The following SPAG16 variants were observed in gnomAD, a reference collection of about 807,000 sequenced individuals.
SPAG16 encodes the protein sperm associated antigen 16.
SPAG16 carries 86 observed loss-of-function variants against 80.4 expected under a neutral mutation model. That is an observed-to-expected ratio of 1.07 (90% confidence interval 0.90 to 1.28). The LOEUF (loss-of-function observed/expected upper bound fraction) is 1.28, where lower values mean the gene tolerates loss of function less well. Ranked by LOEUF, SPAG16 falls within the 50% of genes most tolerant of loss-of-function variation. The pLI, the probability that SPAG16 is intolerant of heterozygous loss-of-function variation, is 0.00. For synonymous variants in SPAG16, 294 were observed against 265.9 expected, an observed-to-expected ratio of 1.11 and a Z score of -1.03; for missense variants, 870 against 765.3, an observed-to-expected ratio of 1.14 and a Z score of -1.61.
chr2:213,643,006 G>A (rs1368249293), intron 10 of SPAG16, among the ~76,000 whole-genome samples: 1 of 150,274 alleles, frequency 6.7e-6, no homozygotes, highest in Admixed American at 6.7e-5. Context: ...TTGTGATCAT[G>A]TGAGTTAATA....
intron 11 of SPAG16, among the ~76,000 whole-genome samples, chr2:213,922,222 T>C (rs886207128): frequency 6.0e-5 from 9 of 150,098 alleles, no homozygotes; most frequent in Admixed American, 6.7e-5. Flanking sequence ...GCTCCTTCCT[T>C]TTAAATTCTT....
At chr2:214,246,196 T>C (rs895858267) in intron 15 of SPAG16, among the ~76,000 whole-genome samples, 1 of 152,144 alleles carries the variant, frequency 6.6e-6, no homozygotes, top group Non-Finnish European at 1.5e-5. Context: ...AGAGGGACTT[T>C]AGACAAATCC....
intron 10 of SPAG16, among the ~76,000 whole-genome samples, chr2:213,585,556 G>A (rs1352720664): frequency 1.3e-5 from 2 of 152,110 alleles, no homozygotes; most frequent in African/African-American, 4.8e-5. Context: ...GGATTATGAT[G>A]TAAGTAACCA....
intron 10 of SPAG16, among the ~76,000 whole-genome samples, chr2:213,787,083 A>T (rs2070387296): frequency 6.6e-6 from 1 of 152,130 alleles, no homozygotes; most frequent in Non-Finnish European, 1.5e-5. Flanking sequence ...ACTAGTAGTT[A>T]AATAGCGTTA....
chr2:213,869,291 A>ATATATATATG (rs1449042675), intron 11 of SPAG16, among the ~76,000 whole-genome samples: 6 of 123,248 alleles, frequency 4.9e-5, no homozygotes, highest in Non-Finnish European at 6.9e-5. Flanking sequence ...GTATATATAT[A>ATATATATATG]TGTATATATA....
chr2:213,861,172 C>G (rs760148622), intron 10 of SPAG16, among the ~76,000 whole-genome samples: 1 of 152,106 alleles, frequency 6.6e-6, no homozygotes, highest in Non-Finnish European at 1.5e-5. Flanking sequence ...AAGGCCATGC[C>G]CATAGTGGTT....
At position 214,029,567 on chromosome 2, in the gene SPAG16, A is replaced by G. The variant is rs185757534; in HGVS notation, c.1527+15490A>G. On this transcript the variant is annotated intron_variant, in intron 13 of 15. Transcript: ENST00000331683. ...GCAAAAGATGACAATGGATGGGACC[A>G]GAATGATAGCAAAGAGGAAGATGTG... Among the ~76,000 whole-genome samples the G allele has an allele frequency of 5.3e-5, 8 of 152,156 alleles. No individual in the cohort carries two copies. The East Asian group carries it at 1.5e-3, about 29-fold the overall frequency.
At chr2:213,842,396 A>ATATGTTTT (rs2074405175) in intron 10 of SPAG16, among the ~76,000 whole-genome samples, 1 of 152,256 alleles carries the variant, frequency 6.6e-6, no homozygotes, top group East Asian at 1.9e-4. Context: ...CAGGAGTAGT[A>ATATGTTTT]AGAAATAGAA....
chr2:213,733,285 T>C (rs1233968496), intron 10 of SPAG16, among the ~76,000 whole-genome samples: 1 of 151,776 alleles, frequency 6.6e-6, no homozygotes, highest in Non-Finnish European at 1.5e-5. Context: ...GTCAGATGGA[T>C]AGACTGCAGA....
At chr2:213,364,200 C>A in intron 8 of SPAG16, 55 bp downstream of exon 8, 3 of 1,026,896 alleles carry the variant, frequency 2.9e-6, no homozygotes, top group South Asian at 2.3e-5. Context: ...GATTTCTCAA[C>A]CTTATCAGTG....
chr2:214,058,882 T>G (rs995002532), intron 13 of SPAG16, among the ~76,000 whole-genome samples: 1 of 152,016 alleles, frequency 6.6e-6, no homozygotes, highest in Non-Finnish European at 1.5e-5. Context: ...ATAACACAAG[T>G]TAAGGGAACC....
intron 12 of SPAG16, among the ~76,000 whole-genome samples, chr2:213,974,979 A>C (rs1404311423): frequency 6.6e-6 from 1 of 150,864 alleles, no homozygotes; most frequent in Non-Finnish European, 1.5e-5. Context: ...AAAATGTGTA[A>C]AAAGAGACAT....
intron 12 of SPAG16, among the ~76,000 whole-genome samples, chr2:213,937,038 G>A (rs896278418): frequency 6.6e-6 from 1 of 151,870 alleles, no homozygotes; most frequent in African/African-American, 2.4e-5. Flanking sequence ...TATTTTGAAG[G>A]GGAAGGCAAA....
At chr2:213,622,420 C>A (rs1385430533) in intron 10 of SPAG16, among the ~76,000 whole-genome samples, 1 of 152,138 alleles carries the variant, frequency 6.6e-6, no homozygotes, top group Non-Finnish European at 1.5e-5. Context: ...TGTTTCATTT[C>A]TTTCCTGCTG....
chr2:213,923,567 ACT>A (rs1377379985), intron 11 of SPAG16, among the ~76,000 whole-genome samples: 2 of 151,852 alleles, frequency 1.3e-5, no homozygotes, highest in Non-Finnish European at 2.9e-5. Context: ...TGAGCCAGAA[ACT>A]CTATCATGTG....
At chr2:213,792,576 CTTTTTTTTTTTT>C (rs11372174) in intron 10 of SPAG16, among the ~76,000 whole-genome samples, 1 of 78,260 alleles carries the variant, frequency 1.3e-5, no homozygotes, top group Non-Finnish European at 2.3e-5. Context: ...AAATGAGTAT[CTTTTTTTTTTTT>C]TTTTTTTTTT....
intron 10 of SPAG16, among the ~76,000 whole-genome samples, chr2:213,827,134 T>C (rs1387130156): frequency 6.6e-6 from 1 of 152,044 alleles, no homozygotes; most frequent in Non-Finnish European, 1.5e-5. Context: ...TATTTTCTCA[T>C]CAATTTAGCC....
intron 15 of SPAG16, among the ~76,000 whole-genome samples, chr2:214,403,760 G>A (rs905993249): frequency 2.6e-5 from 4 of 152,112 alleles, no homozygotes; most frequent in African/African-American, 9.7e-5. Context: ...CTCTGCTGGG[G>A]GAATGGAAAA....
intron 10 of SPAG16, among the ~76,000 whole-genome samples, chr2:213,519,384 G>A (rs1306616284): frequency 6.6e-6 from 1 of 152,226 alleles, no homozygotes. Flanking sequence ...TGCAGTGGGA[G>A]ATAATTGAAT....
Sources: allele counts gnomAD v4.1 joint callset (sites outside exome capture counted in the v4.1 genomes callset), GRCh38; gene constraint gnomAD v4.1.1; transcripts MANE v1.5; gene names NCBI Gene and HGNC (gene_info 2026-07-23, HGNC 2026-07-21).